GNG12: variants seen among roughly 807,000 people sequenced by gnomAD.
GNG12 encodes the protein G protein subunit gamma 12, also known as guanine nucleotide-binding protein G(I)/G(S)/G(O) subunit gamma-12.
For missense variants in GNG12, 69 were observed against 83.8 expected, an observed-to-expected ratio of 0.82 and a Z score of 0.69; for synonymous variants, 28 against 29.7, an observed-to-expected ratio of 0.94 and a Z score of 0.19.
At chr1:67,788,056 A>C (rs1214041431) in intron 1 of GNG12, among the ~76,000 whole-genome samples, 1 of 152,120 alleles carries the variant, frequency 6.6e-6, no homozygotes, top group African/African-American at 2.4e-5. Context: ...CATGTGACTG[A>C]CCTCCCCAAG....
chr1:67,746,019 A>G (rs1459722253), intron 2 of GNG12, among the ~76,000 whole-genome samples: 1 of 152,232 alleles, frequency 6.6e-6, no homozygotes, highest in East Asian at 1.9e-4. Flanking sequence ...AAACTTACCT[A>G]AAGATATTAA....
intron 2 of GNG12, among the ~76,000 whole-genome samples, chr1:67,762,364 A>G (rs1570523951): frequency 1.3e-5 from 2 of 152,146 alleles, no homozygotes; most frequent in African/African-American, 4.8e-5. Flanking sequence ...TGGATTGAGG[A>G]GGTGCTGATT....
intron 1 of GNG12, among the ~76,000 whole-genome samples, chr1:67,826,700 A>G (rs1039175926): frequency 5.3e-5 from 8 of 152,248 alleles, no homozygotes; most frequent in African/African-American, 1.9e-4. Context: ...AAGGTCTTCA[A>G]TAAGCCTCAA....
At chr1:67,732,995 G>A (rs543525149) in intron 2 of GNG12, among the ~76,000 whole-genome samples, 2 of 152,316 alleles carry the variant, frequency 1.3e-5, no homozygotes, top group Non-Finnish European at 2.9e-5. Flanking sequence ...TGGCTTACCC[G>A]AGGGAGGGCG....
intron 2 of GNG12, among the ~76,000 whole-genome samples, chr1:67,769,219 C>T (rs1646658674): frequency 6.6e-6 from 1 of 152,134 alleles, no homozygotes. Context: ...ATTTGAGACG[C>T]TGGCTTCACC....
rs1646215501 is a variant in GNG12 at position 67,701,649 on chromosome 1, CAGT to C, written c.*3799_*3801del. The C allele has an allele frequency of 6.6e-6, 1 of 152,524 alleles. No homozygotes were observed. Among genetic ancestry groups the C allele is most frequent in the African/African-American group, 2.4e-5 (1 of 41,418 alleles). 9.4% of individuals were successfully genotyped at this position (152,524 alleles called of 1,614,324 possible). On this transcript the variant is annotated 3_prime_UTR_variant, in exon 4 of 4. Transcript: ENST00000370982. ...AGGACATATTTCCAAATAATGATCA[CAGT>C]ATTATGGTTAATAAGATGCTGGACA...
At chr1:67,809,695 CACTGGGGAATT>C (rs1415395245) in intron 1 of GNG12, among the ~76,000 whole-genome samples, 3 of 152,046 alleles carry the variant, frequency 2.0e-5, no homozygotes, top group African/African-American at 7.2e-5. Context: ...AATATTACGT[CACTGGGGAATT>C]ACAAACGAAA....
chr1:67,826,935 G>C (rs1192995974), intron 1 of GNG12, among the ~76,000 whole-genome samples: 3 of 152,210 alleles, frequency 2.0e-5, no homozygotes, highest in African/African-American at 7.2e-5. Context: ...AGTGTCCAGT[G>C]GTCAAGGACG....
chr1:67,743,900 T>C (rs1050416252), intron 2 of GNG12, among the ~76,000 whole-genome samples: 2 of 152,146 alleles, frequency 1.3e-5, no homozygotes, highest in African/African-American at 4.8e-5. Context: ...TATATCACAA[T>C]AGAGAAAATG....
intron 2 of GNG12, among the ~76,000 whole-genome samples, chr1:67,756,804 A>G (rs1438066604): frequency 6.6e-6 from 1 of 152,128 alleles, no homozygotes; most frequent in East Asian, 1.9e-4. Flanking sequence ...AGCTGGGCCA[A>G]TCTCTAAAAC....
chr1:67,748,717 C>T (rs182468513), intron 2 of GNG12, among the ~76,000 whole-genome samples: 2 of 152,252 alleles, frequency 1.3e-5, no homozygotes, highest in Non-Finnish European at 2.9e-5. Context: ...AAAACTCTCC[C>T]CCAAACAAGG....
intron 1 of GNG12, among the ~76,000 whole-genome samples, chr1:67,801,852 A>G (rs1406513279): frequency 6.6e-6 from 1 of 152,134 alleles, no homozygotes; most frequent in Non-Finnish European, 1.5e-5. Flanking sequence ...GAAAAAATGT[A>G]TACAAGACAA....
chr1:67,785,990 C>T (rs1028932973), intron 1 of GNG12, among the ~76,000 whole-genome samples: 3 of 152,076 alleles, frequency 2.0e-5, no homozygotes, highest in African/African-American at 7.2e-5. Context: ...TTGGGAAAAA[C>T]TCAGATAAAA....
chr1:67,735,047 G>T (rs1341354201), intron 2 of GNG12, among the ~76,000 whole-genome samples: 1 of 151,836 alleles, frequency 6.6e-6, no homozygotes, highest in African/African-American at 2.4e-5. Flanking sequence ...GTAGAGATGG[G>T]GTTCCATCTT....
intron 1 of GNG12, among the ~76,000 whole-genome samples, chr1:67,829,101 G>C (rs553239615): frequency 1.3e-5 from 2 of 152,204 alleles, no homozygotes; most frequent in African/African-American, 4.8e-5. Flanking sequence ...GTGGAAAATA[G>C]GGGAAAAGCA....
At chr1:67,804,762 G>A (rs897727472) in intron 1 of GNG12, among the ~76,000 whole-genome samples, 4 of 152,002 alleles carry the variant, frequency 2.6e-5, no homozygotes, top group African/African-American at 7.2e-5. Context: ...AACCTGAGCT[G>A]TAACCAACAA....
At chr1:67,743,708 T>C (rs1266557121) in intron 2 of GNG12, among the ~76,000 whole-genome samples, 1 of 152,224 alleles carries the variant, frequency 6.6e-6, no homozygotes, top group Non-Finnish European at 1.5e-5. Flanking sequence ...CAAAGAGCAA[T>C]TAATTTAGGC....
intron 1 of GNG12, among the ~76,000 whole-genome samples, chr1:67,831,303 C>T (rs1462919214): frequency 6.6e-6 from 1 of 152,250 alleles, no homozygotes; most frequent in East Asian, 1.9e-4. Context: ...CCTTTGCTCT[C>T]ACACTTTAAT....
rs77879322 is a variant in GNG12, at chr1:67,750,848, G to A, written c.-27+26610C>T. Among the ~76,000 whole-genome samples the A allele has an allele frequency of 7.4e-4, 113 of 152,260 alleles. 1 individual carries two copies. The East Asian group carries it at 0.015, about 20-fold the overall frequency. ...ATAAACTCTAGTTCTTTCAGTTACAGCAATGCTGACTTGCACAAATTTCCT... is the reference window on the plus strand; with the variant it reads ...ATAAACTCTAGTTCTTTCAGTTACAACAATGCTGACTTGCACAAATTTCCT... On this transcript the variant is annotated intron_variant, in intron 2 of 3. Coordinates refer to ENST00000370982, the MANE Select transcript of GNG12 (RefSeq NM_018841.6).
Sources: allele counts gnomAD v4.1 joint callset (sites outside exome capture counted in the v4.1 genomes callset), GRCh38; gene constraint gnomAD v4.1.1; transcripts MANE v1.5; gene names NCBI Gene and HGNC (gene_info 2026-07-23, HGNC 2026-07-21).